CADM2: variants seen among roughly 807,000 people sequenced by gnomAD.
The protein encoded by CADM2 is immunoglobulin superfamily member 4D.
Under a neutral mutation model 49.8 loss-of-function variants are expected in CADM2, and 12 were observed. The ratio of observed to expected loss-of-function variants is 0.24; its 90% CI spans 0.15 to 0.39. The LOEUF (loss-of-function observed/expected upper bound fraction) is 0.39. Among genes scored for constraint, CADM2 ranks in the 10% least tolerant of loss-of-function variants. The probability of loss-of-function intolerance (pLI) is 1.00; values close to 1 mark genes in which losing one functional copy is unlikely to be tolerated. For synonymous variants in CADM2, 214 were observed against 175.4 expected (o/e 1.22, Z -1.74); for missense variants, 378 against 492.3 (o/e 0.77, Z 2.20).
At position 86,025,623 on chromosome 3, in the gene CADM2, G is replaced by A. The variant is rs529141956; in HGVS notation, c.971-39982G>A. Reference sequence around the variant, plus strand: ...TTGGCAGACCTTGGGATAAGGTGGCGTATAGTGAGATAAGCTGCTTATTAG... The same window carrying A: ...TTGGCAGACCTTGGGATAAGGTGGCATATAGTGAGATAAGCTGCTTATTAG... On this transcript the variant is annotated intron_variant, in intron 8 of 9. Coordinates refer to ENST00000383699, the MANE Select transcript of CADM2 (RefSeq NM_001167675.2). Among the ~76,000 whole-genome samples the A allele has an allele frequency of 5.9e-5, 9 of 152,114 alleles. No homozygotes were observed. The East Asian group carries it at 7.7e-4, about 13-fold the overall frequency.
intron 1 of CADM2, among the ~76,000 whole-genome samples, chr3:85,399,133 T>G (rs969247524): frequency 3.3e-5 from 5 of 152,214 alleles, no homozygotes; most frequent in African/African-American, 4.8e-5. Context: ...TTTATGGTTT[T>G]AGGTCTAACA....
At chr3:85,961,305 G>A (rs1295404613) in intron 7 of CADM2, among the ~76,000 whole-genome samples, 164 bp from the exon 8 acceptor site, 3 of 151,718 alleles carry the variant, frequency 2.0e-5, no homozygotes, top group African/African-American at 4.8e-5. Context: ...CTATACCTCC[G>A]ACTCTTTTGA....
At chr3:86,050,868 G>C (rs1408770408) in intron 8 of CADM2, among the ~76,000 whole-genome samples, 1 of 152,198 alleles carries the variant, frequency 6.6e-6, no homozygotes, top group Non-Finnish European at 1.5e-5. Context: ...GAAACCACCT[G>C]TCATGGAGGG....
At chr3:85,735,161 C>T (rs2068085277) in intron 2 of CADM2, among the ~76,000 whole-genome samples, 1 of 151,882 alleles carries the variant, frequency 6.6e-6, no homozygotes, top group African/African-American at 2.4e-5. Context: ...ATGTAGTATC[C>T]ATTATGAAGA....
chr3:85,452,060 C>A (rs2037771552), intron 1 of CADM2, among the ~76,000 whole-genome samples: 1 of 152,104 alleles, frequency 6.6e-6, no homozygotes, highest in African/African-American at 2.4e-5. Flanking sequence ...TTCTGTAAGG[C>A]TTCTCATGTG....
chr3:85,742,561 A>G (rs762793349), intron 2 of CADM2, among the ~76,000 whole-genome samples: 1 of 152,232 alleles, frequency 6.6e-6, no homozygotes, highest in African/African-American at 2.4e-5. Flanking sequence ...GTTTTAATTA[A>G]TATTATTTGA....
chr3:85,269,155 C>T (rs1177309680), intron 1 of CADM2, among the ~76,000 whole-genome samples: 3 of 151,074 alleles, frequency 2.0e-5, no homozygotes, highest in Non-Finnish European at 4.4e-5. Flanking sequence ...TCTAGGGAAA[C>T]ATTTTTAAAG....
intron 1 of CADM2, among the ~76,000 whole-genome samples, chr3:85,637,992 T>G (rs1005241052): frequency 6.6e-6 from 1 of 152,002 alleles, no homozygotes; most frequent in Non-Finnish European, 1.5e-5. Flanking sequence ...AACAAGGGGG[T>G]TTATAACCTT....
rs116029313 is a variant in CADM2 at position 85,461,667 on chromosome 3, C to T, written c.62-264855C>T. Among the ~76,000 whole-genome samples the T allele has an allele frequency of 9.1e-3, 1,380 of 151,046 alleles. 20 individuals are homozygous for T. Among genetic ancestry groups the T allele is most frequent in the African/African-American group, 0.03 (1,243 of 41,358 alleles). On this transcript the variant is annotated intron_variant, in intron 1 of 9. Coordinates refer to ENST00000383699, the MANE Select transcript of CADM2 (RefSeq NM_001167675.2). ...GCCTTTCAGCTGGGCTTTATGATAACCTTTCATTTTTAACTCCTAACCTAT... is the reference window on the plus strand; with the variant it reads ...GCCTTTCAGCTGGGCTTTATGATAATCTTTCATTTTTAACTCCTAACCTAT...
chr3:85,431,887 T>G (rs1432302181), intron 1 of CADM2, among the ~76,000 whole-genome samples: 2 of 25,542 alleles, frequency 7.8e-5, no homozygotes, highest in Non-Finnish European at 1.1e-4. Context: ...TGCTCTTTCT[T>G]CAGTCTAAAT....
intron 1 of CADM2, among the ~76,000 whole-genome samples, chr3:85,462,532 C>G (rs1329319552): frequency 6.6e-6 from 1 of 152,118 alleles, no homozygotes; most frequent in East Asian, 1.9e-4. Flanking sequence ...ATGCTGACTT[C>G]AACAGAGTAA....
At chr3:85,690,567 A>G (rs935624486) in intron 1 of CADM2, among the ~76,000 whole-genome samples, 6 of 152,170 alleles carry the variant, frequency 3.9e-5, no homozygotes, top group African/African-American at 1.4e-4. Flanking sequence ...AGCAGAAATC[A>G]ATGTCACAAT....
chr3:86,036,050 A>G (rs577390132), intron 8 of CADM2, among the ~76,000 whole-genome samples: 1 of 152,158 alleles, frequency 6.6e-6, no homozygotes, highest in South Asian at 2.1e-4. Flanking sequence ...TTGCAACCTA[A>G]TTGCCTTTTA....
intron 1 of CADM2, among the ~76,000 whole-genome samples, chr3:85,600,999 A>T (rs1202930981): frequency 6.6e-6 from 1 of 150,654 alleles, no homozygotes; most frequent in African/African-American, 2.4e-5. Context: ...AGAAAGATAG[A>T]TAAATACCAT....
intron 3 of CADM2, among the ~76,000 whole-genome samples, chr3:85,857,731 T>A (rs1257375902): frequency 6.6e-6 from 1 of 152,202 alleles, no homozygotes; most frequent in African/African-American, 2.4e-5. Context: ...AACTTAGATC[T>A]TAGCACTTAA....
intron 1 of CADM2, among the ~76,000 whole-genome samples, chr3:85,254,896 C>T (rs574828526): frequency 6.6e-6 from 1 of 152,170 alleles, no homozygotes; most frequent in African/African-American, 2.4e-5. Context: ...TTCCCGTTTG[C>T]GGGTCTCACC....
chr3:85,269,150 G>C (rs911310733), intron 1 of CADM2, among the ~76,000 whole-genome samples: 6 of 150,988 alleles, frequency 4.0e-5, no homozygotes, highest in African/African-American at 1.5e-4. Context: ...CAAAATCTAG[G>C]GAAACATTTT....
At chr3:85,335,698 A>G (rs957286250) in intron 1 of CADM2, among the ~76,000 whole-genome samples, 1 of 151,514 alleles carries the variant, frequency 6.6e-6, no homozygotes, top group African/African-American at 2.4e-5. Flanking sequence ...TGTATTTAAT[A>G]ATCAGCTTCT....
intron 1 of CADM2, among the ~76,000 whole-genome samples, chr3:85,235,495 G>C (rs1430731786): frequency 2.0e-5 from 3 of 152,008 alleles, no homozygotes; most frequent in African/African-American, 7.2e-5. Flanking sequence ...TTAATTGGTA[G>C]AGTTACAAAT....
Sources: gnomAD v4.1 joint callset for allele counts (sites outside exome capture counted in the v4.1 genomes callset) on GRCh38, gnomAD v4.1.1 for gene constraint, MANE v1.5 for transcripts, NCBI Gene and HGNC (gene_info 2026-07-23, HGNC 2026-07-21) for gene names.